Variants in CNTN4 observed in about 807,000 individuals in gnomAD.
The protein encoded by CNTN4 is contactin-4.
Under a neutral mutation model 122.5 loss-of-function variants are expected in CNTN4, and 77 were observed. That is an observed-to-expected ratio of 0.63 (90% CI 0.52 to 0.76). The LOEUF (loss-of-function observed/expected upper bound fraction) is 0.76, where lower values mean the gene tolerates loss of function less well. Ranked by LOEUF, CNTN4 falls within the 30% of genes least tolerant of loss-of-function variation. The pLI is 0.00. For missense variants in CNTN4, 1,256 were observed against 1,259.1 expected, an observed-to-expected ratio of 1.00 and a Z score of 0.04; for synonymous variants, 512 against 447.0, an observed-to-expected ratio of 1.15 and a Z score of -1.83.
intron 2 of CNTN4, among the ~76,000 whole-genome samples, chr3:2,186,649 T>A (rs1438880203): frequency 1.3e-5 from 2 of 152,218 alleles, no homozygotes; most frequent in African/African-American, 4.8e-5. Flanking sequence ...GGTATCTCAT[T>A]GTGGTTTTGA....
chr3:2,319,545 A>G (rs1434826637), intron 2 of CNTN4, among the ~76,000 whole-genome samples: 1 of 152,158 alleles, frequency 6.6e-6, no homozygotes, highest in Admixed American at 6.6e-5. Flanking sequence ...CTCAACTTGA[A>G]GATGATGAGG....
chr3:2,265,193 G>A lies in CNTN4; in HGVS notation c.-144-73985G>A, dbSNP rs778672254. Among the ~76,000 whole-genome samples the A allele has an allele frequency of 5.2e-4, 57 of 109,218 alleles. 1 individual carries two copies. The highest frequency in any genetic ancestry group is 1.4e-3 in the African/African-American group (49 of 34,800). The allele number at this position is 109,218 out of a possible 152,430, so 71.7% of individuals were successfully genotyped here. A position where few individuals can be genotyped will look rare whatever the true frequency, so the allele number is the denominator to read the frequency against. Reference sequence around the variant, plus strand: ...AGATTGCTGTGAATGCAATTATTTCGTTCCTTTTTATGGTTAAGTAGTATC... The same window carrying A: ...AGATTGCTGTGAATGCAATTATTTCATTCCTTTTTATGGTTAAGTAGTATC... On this transcript the variant is annotated intron_variant, in intron 2 of 24. Coordinates refer to ENST00000418658, the MANE Select transcript of CNTN4 (RefSeq NM_175607.3).
intron 2 of CNTN4, among the ~76,000 whole-genome samples, chr3:2,194,786 G>A (rs1348444024): frequency 3.3e-5 from 5 of 152,130 alleles, no homozygotes; most frequent in Non-Finnish European, 5.9e-5. Flanking sequence ...GAATGCCAAA[G>A]TTTGTTAGCA....
chr3:2,157,101 A>AAAG (rs140261666), intron 2 of CNTN4, among the ~76,000 whole-genome samples: 3,801 of 152,328 alleles, frequency 0.025, 143 homozygotes, highest in African/African-American at 0.087. Context: ...TATCTTCACT[A>AAAG]AAAGAGAAGT....
chr3:2,957,590 C>G (rs2094813561), intron 13 of CNTN4, among the ~76,000 whole-genome samples: 1 of 152,140 alleles, frequency 6.6e-6, no homozygotes, highest in Non-Finnish European at 1.5e-5. Context: ...CTCACATCCC[C>G]TCCCCACCTT....
intron 4 of CNTN4, among the ~76,000 whole-genome samples, chr3:2,730,371 T>C (rs543538910): frequency 1.2e-4 from 19 of 152,314 alleles, no homozygotes; most frequent in African/African-American, 4.6e-4. Context: ...TTTGGAACAT[T>C]TCAGATTTTG....
chr3:2,479,129 A>G (rs1472287006), intron 3 of CNTN4, among the ~76,000 whole-genome samples: 1 of 152,112 alleles, frequency 6.6e-6, no homozygotes, highest in Non-Finnish European at 1.5e-5. Context: ...AACCATTTCA[A>G]TAATATTTGT....
chr3:2,261,854 T>C (rs2040845281), intron 2 of CNTN4, among the ~76,000 whole-genome samples: 1 of 152,176 alleles, frequency 6.6e-6, no homozygotes, highest in Non-Finnish European at 1.5e-5. Flanking sequence ...TGCCCGAGTA[T>C]CTGTGTGTGG....
chr3:2,149,318 C>T (rs537416080), intron 2 of CNTN4, among the ~76,000 whole-genome samples: 1 of 152,222 alleles, frequency 6.6e-6, no homozygotes, highest in East Asian at 1.9e-4. Flanking sequence ...TTCCATTTGT[C>T]TGTTTTCATG....
chr3:2,817,075 T>C (rs1438964040), intron 6 of CNTN4, among the ~76,000 whole-genome samples: 1 of 152,216 alleles, frequency 6.6e-6, no homozygotes, highest in South Asian at 2.1e-4. Context: ...ATTTGAGGCA[T>C]GTAATCTTTC....
chr3:2,960,842 A>G (rs2094845434), intron 13 of CNTN4, among the ~76,000 whole-genome samples: 1 of 152,182 alleles, frequency 6.6e-6, no homozygotes, highest in African/African-American at 2.4e-5. Context: ...AAATGGTAGT[A>G]GAATGGATGC....
At chr3:2,768,202 G>T (rs2090945964) in intron 6 of CNTN4, among the ~76,000 whole-genome samples, 1 of 152,172 alleles carries the variant, frequency 6.6e-6, no homozygotes, top group Admixed American at 6.5e-5. Flanking sequence ...CTTCTGAAAT[G>T]AATGGCGAAT....
intron 13 of CNTN4, among the ~76,000 whole-genome samples, chr3:2,932,454 C>T (rs977578235): frequency 2.0e-5 from 3 of 152,036 alleles, no homozygotes; most frequent in African/African-American, 7.2e-5. Context: ...CTGATATGGG[C>T]CTCATTGGTC....
chr3:2,628,591 G>T (rs986202833), intron 4 of CNTN4, among the ~76,000 whole-genome samples: 2 of 152,176 alleles, frequency 1.3e-5, no homozygotes, highest in Admixed American at 6.5e-5. Context: ...GATGAAGTGG[G>T]ATTTTCTTTT....
chr3:2,937,708 A>G (rs1421470362), intron 13 of CNTN4, among the ~76,000 whole-genome samples: 1 of 152,224 alleles, frequency 6.6e-6, no homozygotes, highest in Non-Finnish European at 1.5e-5. Context: ...AACATAATAT[A>G]GTCCAAACAG....
Position 2,709,487 on chromosome 3 carries a change from G to A in CNTN4, c.56-26728G>A, listed in dbSNP as rs555132356. Among the ~76,000 whole-genome samples the A allele has an allele frequency of 2.6e-4, 40 of 152,164 alleles. No homozygotes were observed. The highest frequency in any genetic ancestry group is 7.9e-4 in the African/African-American group (33 of 41,512). On this transcript the variant is annotated intron_variant, in intron 4 of 24. Transcript: ENST00000418658. This position sits in a 1 kb window ranked among gnomAD's most constrained non-coding sequence, Gnocchi z 5.0. ...TGGGAACTACTGAAACCTAATCCCC[G>A]CAATTACAGGGTTTTATATCGTTTG...
At chr3:2,492,558 C>T (rs972242345) in intron 3 of CNTN4, among the ~76,000 whole-genome samples, 1 of 152,126 alleles carries the variant, frequency 6.6e-6, no homozygotes, top group Non-Finnish European at 1.5e-5. Context: ...TCTCATCTTC[C>T]TTTTCCATAT....
At chr3:2,517,858 C>A (rs2077084250) in intron 3 of CNTN4, among the ~76,000 whole-genome samples, 1 of 152,164 alleles carries the variant, frequency 6.6e-6, no homozygotes, top group African/African-American at 2.4e-5. Context: ...TGTGTTCAAA[C>A]ATGGTCTCTG....
rs144483134 is a variant in CNTN4, at chr3:2,528,587, G to A, written c.-88-42829G>A. ...ACTTTACTGACCCATTTTATTAAAC[G>A]TAATTTTTTAAAAGCACTTTTAGGA... is the stretch of plus-strand genomic sequence containing the variant. On this transcript the variant is annotated intron_variant, in intron 3 of 24. Coordinates refer to ENST00000418658, the MANE Select transcript of CNTN4 (RefSeq NM_175607.3). 2.2e-3 allele frequency among the ~76,000 whole-genome samples: 339 copies of A among 152,230 alleles called. 1 individual carries two copies. The highest frequency in any genetic ancestry group is 3.6e-3 in the Non-Finnish European group (242 of 68,004).
Sources: allele counts gnomAD v4.1 joint callset (sites outside exome capture counted in the v4.1 genomes callset), GRCh38; gene constraint gnomAD v4.1.1; non-coding constraint Gnocchi (gnomAD v3.1); transcripts MANE v1.5; gene names NCBI Gene and HGNC (gene_info 2026-07-23, HGNC 2026-07-21).